The following TTC7A variants were observed in gnomAD, a reference collection of about 807,000 sequenced individuals.
TTC7A encodes tetratricopeptide repeat protein 7A.
A neutral mutation model predicts 103.7 loss-of-function variants in TTC7A; 110 were observed. That is an observed-to-expected ratio of 1.06 (90% confidence interval 0.91 to 1.24). TTC7A has a LOEUF of 1.24. Among genes scored for constraint, TTC7A ranks in the 50% most tolerant of loss-of-function variants. The pLI is 0.00. For synonymous variants in TTC7A, 521 were observed against 467.9 expected, an observed-to-expected ratio of 1.11 and a Z score of -1.47; for missense variants, 1,340 against 1,116.3, an observed-to-expected ratio of 1.20 and a Z score of -2.86.
Position 46,975,664 on chromosome 2 carries a change from C to G in TTC7A, c.648+561C>G, listed in dbSNP as rs182391869. On this transcript the variant is annotated intron_variant, in intron 4 of 19. Coordinates refer to ENST00000319190, the MANE Select transcript of TTC7A (RefSeq NM_020458.4). ...TTGCGATAAGTATCCCAGCCCTCCC[C>G]CTTCTGGGAGGCTCTGGTTTATTTT... Among the ~76,000 whole-genome samples the G allele has an allele frequency of 1.0e-3, 155 of 151,992 alleles. 1 individual carries two copies. Among genetic ancestry groups the G allele is most frequent in the Non-Finnish European group, 4.9e-4 (33 of 67,930 alleles).
At chr2:46,937,047 G>C (rs185307847), upstream of TTC7A, among the ~76,000 whole-genome samples, 2 of 151,964 alleles carry the variant, frequency 1.3e-5, no homozygotes, top group Non-Finnish European at 2.9e-5. The surrounding 1 kb of genome is among the most constrained non-coding windows in gnomAD (Gnocchi z 4.0). Context: ...GTAGAGATGG[G>C]TTTTTGCCAT....
chr2:47,055,476 G>A (rs1171576871), intron 18 of TTC7A, among the ~76,000 whole-genome samples: 1 of 152,210 alleles, frequency 6.6e-6, no homozygotes, highest in Non-Finnish European at 1.5e-5. Flanking sequence ...GCGGGTCTGT[G>A]TGAGAGTGGG....
chr2:46,990,050 C>G (rs1175947710), intron 5 of TTC7A, among the ~76,000 whole-genome samples: 1 of 152,188 alleles, frequency 6.6e-6, no homozygotes, highest in Non-Finnish European at 1.5e-5. Flanking sequence ...GTGCCAGGAC[C>G]TGCCGGCCCC....
intron 3 of TTC7A, chr2:46,958,664 C>A: frequency 2.9e-6 from 2 of 689,918 alleles, no homozygotes; most frequent in African/African-American, 1.9e-5. Flanking sequence ...TCTGCCTGTC[C>A]TCCTCCCTGT....
intron 2 of TTC7A, among the ~76,000 whole-genome samples, chr2:46,932,933 T>C (rs1044815817): frequency 4.0e-5 from 6 of 149,794 alleles, no homozygotes; most frequent in Non-Finnish European, 8.9e-5. Context: ...GGAGCAAAGA[T>C]ATATTTTAAG....
chr2:46,935,399 C>T (rs935657705), intron 2 of TTC7A, among the ~76,000 whole-genome samples: 8 of 152,120 alleles, frequency 5.3e-5, no homozygotes, highest in African/African-American at 1.2e-4. Flanking sequence ...TCCTTTCTTG[C>T]CACTGAGCTT....
chr2:47,056,429 A>T (rs989968640), intron 18 of TTC7A, among the ~76,000 whole-genome samples: 1 of 152,162 alleles, frequency 6.6e-6, no homozygotes, highest in Non-Finnish European at 1.5e-5. Context: ...GAGAAGCCCT[A>T]AGAGGCCTTG....
intron 5 of TTC7A, among the ~76,000 whole-genome samples, chr2:46,989,499 C>A (rs956482389): frequency 6.6e-6 from 1 of 152,164 alleles, no homozygotes; most frequent in African/African-American, 2.4e-5. Flanking sequence ...CTGGAGAAGC[C>A]CCGTGTGCTT....
intron 8 of TTC7A, among the ~76,000 whole-genome samples, chr2:47,000,339 C>G (rs1048728835): frequency 1.3e-5 from 2 of 151,918 alleles, no homozygotes; most frequent in Admixed American, 1.3e-4. Context: ...CTTTTGGGAT[C>G]TGGTTTGTTC....
At chr2:46,964,101 GCT>G (rs1672623739) in intron 3 of TTC7A, among the ~76,000 whole-genome samples, 1 of 152,162 alleles carries the variant, frequency 6.6e-6, no homozygotes, top group Non-Finnish European at 1.5e-5. Context: ...TGTGGACATC[GCT>G]CTCTCTGACT....
chr2:46,938,551 T>A (rs1008482619), upstream of TTC7A, among the ~76,000 whole-genome samples: 3 of 152,208 alleles, frequency 2.0e-5, no homozygotes, highest in Non-Finnish European at 4.4e-5. Flanking sequence ...TCCTGAGGAT[T>A]TTTTTCCTTC....
chr2:46,917,758 C>A (rs1668889741), intron 2 of TTC7A, among the ~76,000 whole-genome samples: 1 of 152,214 alleles, frequency 6.6e-6, no homozygotes, highest in African/African-American at 2.4e-5. Flanking sequence ...CTAGTGGTCT[C>A]TTTGATCTCT....
At chr2:47,009,496 G>A (rs1476525122) in intron 10 of TTC7A, among the ~76,000 whole-genome samples, 1 of 152,054 alleles carries the variant, frequency 6.6e-6, no homozygotes, top group Non-Finnish European at 1.5e-5. Flanking sequence ...CCAAAGCCCA[G>A]GGAAATCTAT....
In TTC7A at chr2:47,053,633, G is replaced by A. The variant is rs139171711; in HGVS notation, c.2152+1753G>A. Among the ~76,000 whole-genome samples, 969 of 152,130 alleles carry A rather than the reference G, an allele frequency of 6.4e-3. 11 individuals carry two copies. Among genetic ancestry groups the A allele is most frequent in the African/African-American group, 0.022 (919 of 41,494 alleles). ...GTGGCCCAGGCTGGAGTGCAGTGGT[G>A]CAATCTCAGCTCACTGCAACCTCCA... On this transcript the variant is annotated intron_variant, in intron 18 of 19. Transcript: ENST00000319190.
At chr2:46,985,155 T>G (rs1233355772) in intron 5 of TTC7A, among the ~76,000 whole-genome samples, 4 of 152,120 alleles carry the variant, frequency 2.6e-5, no homozygotes, top group African/African-American at 9.7e-5. Flanking sequence ...CCCAAGTGCT[T>G]TCAGTCACTT....
intron 16 of TTC7A, chr2:47,047,426 A>G: frequency 1.3e-6 from 1 of 797,448 alleles, no homozygotes; most frequent in Non-Finnish European, 2.0e-6. Context: ...CAGTGGGCGG[A>G]AGCTGCCAGA....
intron 18 of TTC7A, among the ~76,000 whole-genome samples, chr2:47,052,759 C>G (rs1682968579): frequency 6.6e-6 from 1 of 152,162 alleles, no homozygotes; most frequent in Admixed American, 6.5e-5. Context: ...TAAAGTACCC[C>G]AGGCCAACAC....
rs567437345 is a variant in TTC7A at position 46,922,775 on chromosome 2, A to G, written c.82+5498A>G. On this transcript the variant is annotated intron_variant, in intron 2 of 20. Transcript: ENST00000409245. ...TTCCCACACTGGAGGAAGCACATCA[A>G]TTCTGCAGCAGACACCAGCTGGGAG... 3.3e-5 allele frequency among the ~76,000 whole-genome samples: 5 copies of G among 152,262 alleles called. No individual in the cohort carries two copies. In the South Asian group the frequency reaches 6.2e-4, roughly 19 times the overall value.
chr2:47,059,307 C>G (rs1015849734), intron 18 of TTC7A, among the ~76,000 whole-genome samples: 1 of 152,080 alleles, frequency 6.6e-6, no homozygotes, highest in Admixed American at 6.5e-5. Context: ...AGGCGTGAGC[C>G]TGTAGCCCAG....
Sources: allele counts gnomAD v4.1 joint callset (sites outside exome capture counted in the v4.1 genomes callset), GRCh38; gene constraint gnomAD v4.1.1; non-coding constraint Gnocchi (gnomAD v3.1); transcripts MANE v1.5; gene names NCBI Gene and HGNC (gene_info 2026-07-23, HGNC 2026-07-21).